HYCC2: variants seen among roughly 807,000 people sequenced by gnomAD.
The protein encoded by HYCC2 is hyccin PI4KA lipid kinase complex subunit 2.
At chr2:200,981,593 GTGT>G in the HYCC2 span, 1 of 1,613,368 alleles carries the variant, frequency 6.2e-7, no homozygotes, top group South Asian at 1.1e-5. This position sits in a 1 kb window ranked among gnomAD's most constrained non-coding sequence, Gnocchi z 4.5. Context: ...TTCTTCATTG[GTGT>G]CAGCTCAACT....
the HYCC2 span, among the ~76,000 whole-genome samples, chr2:201,053,128 T>G: frequency 6.7e-6 from 1 of 150,078 alleles, no homozygotes; most frequent in African/African-American, 2.4e-5. Context: ...ATCTTAAAAT[T>G]TTTTTTTTTT....
chr2:201,020,983 G>C, the HYCC2 span, among the ~76,000 whole-genome samples: 1 of 152,034 alleles, frequency 6.6e-6, no homozygotes, highest in African/African-American at 2.4e-5. Context: ...TGGCCAGGAT[G>C]GTCTCAATCT....
the HYCC2 span, chr2:200,992,232 C>T: frequency 1.6e-5 from 18 of 1,149,158 alleles, no homozygotes; most frequent in Non-Finnish European, 2.2e-5. Context: ...AACCTAGTAC[C>T]TTTTTTAGGT....
the HYCC2 span, among the ~76,000 whole-genome samples, chr2:201,006,431 C>A: frequency 6.6e-6 from 1 of 151,756 alleles, no homozygotes; most frequent in Admixed American, 6.6e-5. Flanking sequence ...ATGAGCCGCA[C>A]CTGGCGAGAT....
chr2:201,033,659 C>A, the HYCC2 span, among the ~76,000 whole-genome samples: 4 of 152,006 alleles, frequency 2.6e-5, no homozygotes. Flanking sequence ...CCGCCTCGGC[C>A]TCCCAAAGTG....
chr2:201,053,736 G>A, the HYCC2 span, among the ~76,000 whole-genome samples: 875 of 151,576 alleles, frequency 5.8e-3, 13 homozygotes, highest in East Asian at 0.02. Flanking sequence ...AGGCTGAGGC[G>A]GGTGGATCAC....
chr2:200,990,609 G>T, the HYCC2 span, among the ~76,000 whole-genome samples: 4 of 150,726 alleles, frequency 2.7e-5, no homozygotes, highest in East Asian at 7.8e-4. Flanking sequence ...GTCTCACTCT[G>T]TTGCCCAGGC....
the HYCC2 span, chr2:201,016,844 C>T: frequency 4.4e-6 from 3 of 688,260 alleles, no homozygotes; most frequent in Non-Finnish European, 7.1e-6. Flanking sequence ...AAGTGATATG[C>T]CTGCCTTGGC....
chr2:200,989,126 C>T, the HYCC2 span, among the ~76,000 whole-genome samples: 1 of 152,108 alleles, frequency 6.6e-6, no homozygotes, highest in Admixed American at 6.6e-5. Context: ...TCCCCATCTA[C>T]GAACTATTTT....
At chr2:201,015,837 C>T in the HYCC2 span, among the ~76,000 whole-genome samples, 1 of 152,132 alleles carries the variant, frequency 6.6e-6, no homozygotes, top group Non-Finnish European at 1.5e-5. Flanking sequence ...TTGATAGCTG[C>T]TTCCAGAAAC....
At chr2:201,062,747 G>A in the HYCC2 span, among the ~76,000 whole-genome samples, 1 of 151,254 alleles carries the variant, frequency 6.6e-6, no homozygotes, top group African/African-American at 2.4e-5. Context: ...GAGTTCAGGA[G>A]GTTGAGGCTG....
the HYCC2 span, among the ~76,000 whole-genome samples, chr2:201,035,719 C>T: frequency 6.6e-6 from 1 of 152,106 alleles, no homozygotes; most frequent in African/African-American, 2.4e-5. Context: ...TGTTTTTTCC[C>T]CATCTTTGTG....
At chr2:200,981,212 T>C in the HYCC2 span, 14 of 1,563,296 alleles carry the variant, frequency 9.0e-6, no homozygotes, top group Admixed American at 1.8e-5. The surrounding 1 kb of genome is among the most constrained non-coding windows in gnomAD (Gnocchi z 4.5). Context: ...AGTGTCTTCT[T>C]GCACAATGAA....
chr2:201,003,684 G>C, the HYCC2 span, among the ~76,000 whole-genome samples: 1 of 150,970 alleles, frequency 6.6e-6, no homozygotes, highest in Non-Finnish European at 1.5e-5. Context: ...ACTCCAGCCT[G>C]GGCGACAGAG....
chr2:201,033,148 T>G, the HYCC2 span, among the ~76,000 whole-genome samples: 2 of 127,868 alleles, frequency 1.6e-5, 1 homozygote, highest in Non-Finnish European at 3.3e-5. Context: ...AAGCTATTTG[T>G]ATGTGTGTGT....
the HYCC2 span, among the ~76,000 whole-genome samples, chr2:201,002,414 A>G: frequency 6.6e-6 from 1 of 152,188 alleles, no homozygotes; most frequent in Non-Finnish European, 1.5e-5. Flanking sequence ...AATAATCAGT[A>G]TTGGGAGTTA....
the HYCC2 span, among the ~76,000 whole-genome samples, chr2:201,024,892 T>C: frequency 1.3e-5 from 2 of 152,054 alleles, no homozygotes; most frequent in East Asian, 3.9e-4. Context: ...GAGGCAGGAC[T>C]GAGCCCAAGG....
chr2:201,014,669 G>A, the HYCC2 span, among the ~76,000 whole-genome samples: 9 of 152,288 alleles, frequency 5.9e-5, no homozygotes, highest in African/African-American at 2.2e-4. Flanking sequence ...AGATGGAAAT[G>A]TTTGCTAATG....
chr2:200,975,865 T>C, the HYCC2 span: 1 of 152,138 alleles, frequency 6.6e-6, no homozygotes, highest in South Asian at 2.1e-4. Flanking sequence ...GACTCCTCTA[T>C]GAATAGTATT....
Sources: allele counts gnomAD v4.1 joint callset (sites outside exome capture counted in the v4.1 genomes callset), GRCh38; gene constraint gnomAD v4.1.1; non-coding constraint Gnocchi (gnomAD v3.1); transcripts MANE v1.5; gene names NCBI Gene and HGNC (gene_info 2026-07-23, HGNC 2026-07-21).